Variants in NOL4 observed in about 807,000 individuals in gnomAD.
NOL4 encodes cancer/testis antigen 125.
In NOL4, 17 loss-of-function variants were observed where a neutral mutation model predicts 75.9. The observed-to-expected ratio is 0.22, with a 90% CI of 0.15 to 0.34. The LOEUF is 0.34. Ranked by LOEUF, NOL4 falls within the 10% of genes least tolerant of loss-of-function variation. NOL4 has a pLI of 1.00. For missense variants in NOL4, 614 were observed against 793.5 expected (o/e 0.77, Z 2.72); for synonymous variants, 292 against 289.9 (o/e 1.01, Z -0.07).
chr18:33,973,413 A>G (rs1432747501), intron 6 of NOL4, among the ~76,000 whole-genome samples: 1 of 152,162 alleles, frequency 6.6e-6, no homozygotes, highest in African/African-American at 2.4e-5. Flanking sequence ...GTTGGAATCA[A>G]CTTCTTCCAA....
At chr18:34,144,230 G>A (rs1238669124) in intron 1 of NOL4, among the ~76,000 whole-genome samples, 1 of 152,058 alleles carries the variant, frequency 6.6e-6, no homozygotes, top group Non-Finnish European at 1.5e-5. Context: ...GGTAATTGCT[G>A]TGTTTCATAA....
chr18:34,164,437 T>C (rs2032022573), intron 1 of NOL4, among the ~76,000 whole-genome samples: 1 of 152,000 alleles, frequency 6.6e-6, no homozygotes, highest in Non-Finnish European at 1.5e-5. Flanking sequence ...GTGAAGGACA[T>C]GAACAGACAC....
chr18:34,168,371 T>TA (rs755399694), intron 1 of NOL4, among the ~76,000 whole-genome samples: 6 of 151,670 alleles, frequency 4.0e-5, no homozygotes, highest in Non-Finnish European at 8.8e-5. Flanking sequence ...AAATTTTTTT[T>TA]AGCCAGAAAA....
intron 5 of NOL4, chr18:34,023,579 A>G (rs746387814): frequency 2.3e-6 from 1 of 441,668 alleles, no homozygotes; most frequent in Non-Finnish European, 4.6e-6. Flanking sequence ...TAGCATTTGA[A>G]CCAAAGACTC....
intron 1 of NOL4, among the ~76,000 whole-genome samples, chr18:34,194,557 G>GA (rs938585625): frequency 4.6e-5 from 7 of 151,320 alleles, no homozygotes; most frequent in African/African-American, 1.2e-4. Context: ...AGTAAGCTGG[G>GA]AAAAAAAATG....
intron 2 of NOL4, chr18:34,128,766 A>G (rs9962173): frequency 7.6e-5 from 31 of 408,148 alleles, no homozygotes; most frequent in African/African-American, 6.5e-4. Flanking sequence ...AAGATTCAAT[A>G]TGACCCTGGA....
At chr18:33,960,915 A>G (rs2070062322) in intron 6 of NOL4, among the ~76,000 whole-genome samples, 1 of 152,038 alleles carries the variant, frequency 6.6e-6, no homozygotes, top group Admixed American at 6.6e-5. Context: ...TATTAAACCC[A>G]TTTCATTATT....
intron 6 of NOL4, among the ~76,000 whole-genome samples, chr18:33,960,999 T>A (rs965189994): frequency 3.3e-5 from 5 of 152,084 alleles, no homozygotes; most frequent in African/African-American, 1.2e-4. Context: ...GGAGCCTATT[T>A]AATAATGTTT....
intron 8 of NOL4, among the ~76,000 whole-genome samples, chr18:33,944,011 T>C (rs1377186): frequency 0.22 from 32,618 of 149,400 alleles, 4,026 homozygotes; most frequent in East Asian, 0.4. Context: ...AACTGAAAGA[T>C]GAAATACTTA....
At chr18:34,102,046 A>G (rs1468584418) in intron 4 of NOL4, among the ~76,000 whole-genome samples, 1 of 151,626 alleles carries the variant, frequency 6.6e-6, no homozygotes, top group Non-Finnish European at 1.5e-5. Context: ...AGTTTTCACT[A>G]TATCCCTCTG....
At chr18:34,065,890 AGAG>A (rs1281288976) in intron 5 of NOL4, among the ~76,000 whole-genome samples, 4 of 151,984 alleles carry the variant, frequency 2.6e-5, no homozygotes, top group African/African-American at 9.7e-5. Context: ...GCTGAATATT[AGAG>A]GAGATTTTTG....
chr18:34,070,156 C>T (rs948653992), intron 5 of NOL4, among the ~76,000 whole-genome samples: 1 of 152,210 alleles, frequency 6.6e-6, no homozygotes. Flanking sequence ...CTCAGCCTCC[C>T]CAGTAGCTGG....
chr18:34,185,357 C>T (rs752018325), intron 1 of NOL4, among the ~76,000 whole-genome samples: 4 of 152,158 alleles, frequency 2.6e-5, no homozygotes, highest in Non-Finnish European at 5.9e-5. Flanking sequence ...TCTCCACACC[C>T]CACTTCTCAC....
intron 9 of NOL4, among the ~76,000 whole-genome samples, chr18:33,909,405 T>G (rs754821747): frequency 6.6e-6 from 1 of 152,170 alleles, no homozygotes; most frequent in African/African-American, 2.4e-5. Flanking sequence ...AAGTCCACAT[T>G]TCCAAGTGGC....
chr18:34,057,334 T>G (rs1041737225), intron 5 of NOL4, among the ~76,000 whole-genome samples: 1 of 152,204 alleles, frequency 6.6e-6, no homozygotes, highest in Non-Finnish European at 1.5e-5. Flanking sequence ...TTTATTCACC[T>G]GGTGCTCAGA....
chr18:34,195,215 C>T (rs1349049040), intron 1 of NOL4, among the ~76,000 whole-genome samples: 4 of 152,018 alleles, frequency 2.6e-5, no homozygotes, highest in African/African-American at 9.7e-5. Flanking sequence ...TAATTACAGC[C>T]TTGTTAAATC....
chr18:33,992,813 G>A (rs571006817), intron 6 of NOL4, among the ~76,000 whole-genome samples: 17 of 152,162 alleles, frequency 1.1e-4, no homozygotes, highest in African/African-American at 4.1e-4. Flanking sequence ...TAAGGTAGAG[G>A]TGTCAGTTGG....
intron 6 of NOL4, among the ~76,000 whole-genome samples, chr18:34,009,942 T>C (rs1409977514): frequency 6.6e-6 from 1 of 151,928 alleles, no homozygotes; most frequent in South Asian, 2.1e-4. Context: ...CATAAGTTAG[T>C]TATTAGAATA....
intron 5 of NOL4, among the ~76,000 whole-genome samples, chr18:34,049,071 C>T (rs890203071): frequency 1.8e-4 from 15 of 85,070 alleles, no homozygotes; most frequent in Admixed American, 7.9e-4. Flanking sequence ...GATACAGGCG[C>T]GCGCACACAC....
Sources: allele counts gnomAD v4.1 joint callset (sites outside exome capture counted in the v4.1 genomes callset), GRCh38; gene constraint gnomAD v4.1.1; transcripts MANE v1.5; gene names NCBI Gene and HGNC (gene_info 2026-07-23, HGNC 2026-07-21).